Variants in PCDHA2 observed in about 807,000 individuals in gnomAD.
PCDHA2 encodes protocadherin alpha-2.
In PCDHA2, 58 loss-of-function variants were observed where a neutral mutation model predicts 66.0. That is an observed-to-expected ratio of 0.88 (90% confidence interval 0.71 to 1.09). The LOEUF (loss-of-function observed/expected upper bound fraction) is 1.09. PCDHA2 is among the 50% of genes least tolerant of loss of function. PCDHA2 has a pLI of 0.00. For synonymous variants in PCDHA2, 634 were observed against 554.0 expected (o/e 1.14, Z -2.03); for missense variants, 1,267 against 1,242.3 (o/e 1.02, Z -0.30).
At chr5:140,876,424 A>G in intron 1 of PCDHA2, 1 of 1,613,970 alleles carries the variant, frequency 6.2e-7, no homozygotes. Context: ...TGCCTATGAA[A>G]TTCAGGTTAA....
intron 1 of PCDHA2, chr5:140,857,914 C>T: frequency 6.3e-7 from 1 of 1,597,754 alleles, no homozygotes; most frequent in Non-Finnish European, 8.6e-7. Flanking sequence ...TCCCGTTTCG[C>T]GTGGGGCTGT....
chr5:140,928,930 C>T, intron 1 of PCDHA2: 1 of 1,614,108 alleles, frequency 6.2e-7, no homozygotes, highest in Non-Finnish European at 8.5e-7. Context: ...GCTTTCTGCC[C>T]AGAACTTGTA....
intron 1 of PCDHA2, among the ~76,000 whole-genome samples, chr5:140,887,136 G>A (rs1460345753): frequency 2.2e-4 from 33 of 148,834 alleles, no homozygotes; most frequent in Middle Eastern, 3.2e-3. Context: ...TCACTCTGTC[G>A]CCCAGGCTGG....
intron 1 of PCDHA2, among the ~76,000 whole-genome samples, chr5:140,952,271 G>A (rs561917046): frequency 6.6e-6 from 1 of 151,646 alleles, no homozygotes; most frequent in East Asian, 2.0e-4. Flanking sequence ...CTGGGGTCTT[G>A]AGGGTGGTGG....
chr5:141,006,224 T>A (rs1265190589), intron 3 of PCDHA2, among the ~76,000 whole-genome samples: 1 of 152,072 alleles, frequency 6.6e-6, no homozygotes, highest in African/African-American at 2.4e-5. Flanking sequence ...TTAAATTTTT[T>A]ATTTTTAGAT....
intron 1 of PCDHA2, chr5:140,809,460 T>G (rs1554125221): frequency 6.2e-7 from 1 of 1,614,008 alleles, no homozygotes; most frequent in African/African-American, 1.3e-5. Flanking sequence ...AGGCCGAGGG[T>G]GTGCTCTGGT....
chr5:140,829,673 C>G (rs1246503495), intron 1 of PCDHA2: 3 of 1,613,006 alleles, frequency 1.9e-6, no homozygotes, highest in South Asian at 2.2e-5. Flanking sequence ...CCACGAGGAG[C>G]TAGAGCTGCT....
intron 3 of PCDHA2, among the ~76,000 whole-genome samples, chr5:140,999,159 G>T (rs1056236953): frequency 6.6e-6 from 1 of 152,182 alleles, no homozygotes; most frequent in Non-Finnish European, 1.5e-5. Flanking sequence ...CAGTCCCCTA[G>T]AAGGAAAAGA....
chr5:140,826,537 T>C (rs1413991226), intron 1 of PCDHA2, among the ~76,000 whole-genome samples: 1 of 152,182 alleles, frequency 6.6e-6, no homozygotes, highest in Non-Finnish European at 1.5e-5. Context: ...GTCTTATTGG[T>C]GACTCTATTT....
At chr5:140,882,307 A>C in intron 1 of PCDHA2, 2 of 1,613,900 alleles carry the variant, frequency 1.2e-6, no homozygotes, top group Non-Finnish European at 1.7e-6. Context: ...GACCGCGGCA[A>C]CTACTGCTCT....
Position 140,795,739 on chromosome 5 carries a change from AC to A in PCDHA2, c.777del (p.Leu260Ter). On this transcript the variant is annotated frameshift_variant, in exon 1 of 4. Coordinates refer to ENST00000526136, the MANE Select transcript of PCDHA2 (RefSeq NM_018905.3). LOFTEE classifies it high-confidence loss of function. ...ATTGTTAGAGAATACGGCAAATGGGACCTTAGTGGTTAAGTTAAACGCTTCT... is the reference window on the plus strand; with the variant it reads ...ATTGTTAGAGAATACGGCAAATGGGACTTAGTGGTTAAGTTAAACGCTTCT... ...VKLLENTANG[T>X]LVVKLNASDA... The A allele has an allele frequency of 6.2e-7, 1 of 1,614,070 alleles. No homozygotes were observed. Among genetic ancestry groups the A allele is most frequent in the Non-Finnish European group, 8.5e-7 (1 of 1,180,018 alleles).
intron 1 of PCDHA2, chr5:140,809,092 T>A: frequency 6.2e-7 from 1 of 1,613,942 alleles, no homozygotes; most frequent in South Asian, 1.1e-5. Flanking sequence ...GCACAACGCG[T>A]GCCCTGGACG....
chr5:140,875,924 A>G (rs782181544), intron 1 of PCDHA2: 5 of 1,613,936 alleles, frequency 3.1e-6, no homozygotes, highest in Non-Finnish European at 4.2e-6. Context: ...CTGGACTCTC[A>G]TTTTCCTCTA....
In PCDHA2 at chr5:140,828,051, C is replaced by T. The variant is rs2150150373; in HGVS notation, c.2388+30699C>T. On this transcript the variant is annotated intron_variant, in intron 1 of 3. Transcript: ENST00000526136. The stretch of plus-strand genomic sequence containing the variant: ...GAACATACAGTATTTTATCTTTATG[C>T]GGAAGATCTTCTAATGGAAATAAAA... The T allele has an allele frequency of 2.6e-6, 4 of 1,545,274 alleles. No individual in the cohort carries two copies. In the South Asian group the frequency reaches 3.8e-5, roughly 15 times the overall value.
At chr5:140,939,590 C>G (rs1385974524) in intron 1 of PCDHA2, among the ~76,000 whole-genome samples, 1 of 152,052 alleles carries the variant, frequency 6.6e-6, no homozygotes, top group African/African-American at 2.4e-5. Flanking sequence ...TTTTAACATA[C>G]CTTGCTCAAA....
chr5:140,837,608 A>G (rs1775145322), intron 1 of PCDHA2, among the ~76,000 whole-genome samples: 1 of 151,396 alleles, frequency 6.6e-6, no homozygotes. Flanking sequence ...TATATTTTAT[A>G]ATTTGCCCCT....
intron 1 of PCDHA2, chr5:140,876,771 T>C: frequency 6.2e-7 from 1 of 1,614,228 alleles, no homozygotes; most frequent in African/African-American, 1.3e-5. Flanking sequence ...GGGGCTCGCC[T>C]TCGCTGTGGG....
chr5:140,953,050 A>C (rs1169479924), intron 1 of PCDHA2, among the ~76,000 whole-genome samples: 1 of 152,122 alleles, frequency 6.6e-6, no homozygotes, highest in African/African-American at 2.4e-5. Flanking sequence ...TGATCCAATC[A>C]CCTCTCACAG....
intron 1 of PCDHA2, chr5:140,835,888 G>T (rs2150247601): frequency 6.2e-7 from 1 of 1,611,944 alleles, no homozygotes; most frequent in Non-Finnish European, 8.5e-7. Flanking sequence ...GTGGGCGAGC[G>T]CGCGCTGTCG....
Sources: allele counts gnomAD v4.1 joint callset (sites outside exome capture counted in the v4.1 genomes callset), GRCh38; gene constraint gnomAD v4.1.1; transcripts MANE v1.5; gene names NCBI Gene and HGNC (gene_info 2026-07-23, HGNC 2026-07-21).